SUFU: variants seen among roughly 807,000 people sequenced by gnomAD.
The protein encoded by SUFU is suppressor of fused homolog.
In SUFU, 7 loss-of-function variants were observed where a neutral mutation model predicts 58.9. The observed-to-expected ratio is 0.12, with a 90% CI of 0.07 to 0.22. The LOEUF (loss-of-function observed/expected upper bound fraction) is 0.22, where lower values mean the gene tolerates loss of function less well. Among genes scored for constraint, SUFU ranks in the 10% least tolerant of loss-of-function variants. The probability of loss-of-function intolerance (pLI) is 1.00; values close to 1 mark genes in which losing one functional copy is unlikely to be tolerated. For synonymous variants in SUFU, 232 were observed against 254.8 expected, an observed-to-expected ratio of 0.91 and a Z score of 0.85; for missense variants, 451 against 641.3, an observed-to-expected ratio of 0.70 and a Z score of 3.20.
At chr10:102,519,137 CAA>C (rs386372286) in intron 2 of SUFU, among the ~76,000 whole-genome samples, 27 of 86,730 alleles carry the variant, frequency 3.1e-4, no homozygotes, top group African/African-American at 6.7e-4. Flanking sequence ...GACTCTGTCT[CAA>C]AAAAAAAAAA....
intron 3 of SUFU, among the ~76,000 whole-genome samples, chr10:102,587,107 T>C (rs1564694021): frequency 6.6e-6 from 1 of 152,264 alleles, no homozygotes; most frequent in East Asian, 1.9e-4. Flanking sequence ...CATCTCTTGA[T>C]GGACATTTGG....
chr10:102,580,376 A>C (rs975219041), intron 3 of SUFU, among the ~76,000 whole-genome samples: 17 of 151,980 alleles, frequency 1.1e-4, no homozygotes, highest in African/African-American at 4.1e-4. Flanking sequence ...ATTGTATTCA[A>C]TTTCTGTCCC....
intron 2 of SUFU, among the ~76,000 whole-genome samples, chr10:102,525,619 C>CA (rs2062600759): frequency 6.6e-6 from 1 of 152,182 alleles, no homozygotes; most frequent in African/African-American, 2.4e-5. Context: ...TCTCCTGCCT[C>CA]AGTCTCCTGA....
In SUFU at chr10:102,615,395, T is replaced by A. The variant is rs375419295; in HGVS notation, c.1150T>A (p.Cys384Ser). Residue 384 changes from cysteine to serine, a missense_variant, in exon 9 of 12, where the codon TGC becomes AGC. Cys to Ser is a moderately radical substitution (Grantham distance 112). Coordinates refer to ENST00000369902, the MANE Select transcript of SUFU (RefSeq NM_016169.4). The stretch of plus-strand genomic sequence containing the variant: ...GGAGTCCGGAGCCCTCATTCCTCTC[T>A]GCCTAAGGTGAGCGAGACAGCCCTG... The part of the protein sequence containing the change: ...NQESGALIPL[C>S]LRGRLLHGRH... 6 of 1,613,886 alleles carry A rather than the reference T, an allele frequency of 3.7e-6. No homozygotes were observed. The highest frequency in any genetic ancestry group is 1.3e-5 in the African/African-American group (1 of 74,896).
chr10:102,615,482 GC>G, intron 9 of SUFU, 80 bp downstream of exon 9: 1 of 1,603,666 alleles, frequency 6.2e-7, no homozygotes, highest in South Asian at 1.1e-5. Flanking sequence ...AGCCTCCCCA[GC>G]CCCCTCCCCC....
chr10:102,524,324 CTTTTCTTTTT>C (rs2062584967), intron 2 of SUFU, among the ~76,000 whole-genome samples: 3 of 119,892 alleles, frequency 2.5e-5, no homozygotes, highest in East Asian at 4.7e-4. Flanking sequence ...TTTTTCTTTT[CTTTTCTTTTT>C]TTTTTTTTTG....
chr10:102,522,461 C>T (rs756776873), intron 2 of SUFU, among the ~76,000 whole-genome samples: 12 of 152,108 alleles, frequency 7.9e-5, no homozygotes, highest in Non-Finnish European at 1.2e-4. Flanking sequence ...TTCTTGGGTG[C>T]GTGGTACAGA....
At chr10:102,551,209 C>T (rs1216685547) in intron 3 of SUFU, among the ~76,000 whole-genome samples, 1 of 152,224 alleles carries the variant, frequency 6.6e-6, no homozygotes, top group Non-Finnish European at 1.5e-5. Flanking sequence ...GGAACAGTCC[C>T]CTCATGGAGG....
At chr10:102,504,635 A>G (rs1191428867) in intron 1 of SUFU, among the ~76,000 whole-genome samples, 4 of 132,026 alleles carry the variant, frequency 3.0e-5, no homozygotes, top group Non-Finnish European at 6.4e-5. Context: ...ACGTGGTGAA[A>G]AGAGGGGGCG....
chr10:102,540,910 TA>T (rs2062791717), intron 2 of SUFU, among the ~76,000 whole-genome samples: 1 of 151,768 alleles, frequency 6.6e-6, no homozygotes, highest in African/African-American at 2.4e-5. Flanking sequence ...TAATCCCAGC[TA>T]CTCGGGAGGC....
intron 3 of SUFU, among the ~76,000 whole-genome samples, chr10:102,564,341 C>G (rs1316460550): frequency 6.6e-6 from 1 of 152,226 alleles, no homozygotes; most frequent in East Asian, 1.9e-4. Flanking sequence ...AGCTGTATCT[C>G]TCTTTTTTGG....
At chr10:102,607,165 C>T (rs2063569707) in intron 8 of SUFU, among the ~76,000 whole-genome samples, 1 of 151,476 alleles carries the variant, frequency 6.6e-6, no homozygotes, top group Admixed American at 6.6e-5. Flanking sequence ...CTTCCCTCCT[C>T]AGCCTCCTGA....
At chr10:102,518,041 C>T (rs2135654438) in intron 2 of SUFU, among the ~76,000 whole-genome samples, 1 of 152,300 alleles carries the variant, frequency 6.6e-6, no homozygotes, top group South Asian at 2.1e-4. Context: ...TCCTGTCTCC[C>T]TGTGACTTTG....
intron 3 of SUFU, among the ~76,000 whole-genome samples, chr10:102,577,682 GTTTTT>G: frequency 7.6e-6 from 1 of 132,130 alleles, no homozygotes; most frequent in African/African-American, 2.8e-5. Flanking sequence ...ACTACGAGTT[GTTTTT>G]TTTTTTTTTT....
chr10:102,594,120 A>G, intron 6 of SUFU, 55 bp downstream of exon 6: 1 of 1,556,514 alleles, frequency 6.4e-7, no homozygotes, highest in Non-Finnish European at 8.9e-7. Context: ...GCCTCTTCCA[A>G]ATAACACTGG....
chr10:102,522,265 A>G (rs1244608792), intron 2 of SUFU, among the ~76,000 whole-genome samples: 1 of 152,164 alleles, frequency 6.6e-6, no homozygotes, highest in African/African-American at 2.4e-5. Context: ...TAGGTAGTAT[A>G]TGTATGAACT....
At chr10:102,534,272 C>A (rs1354309219) in intron 2 of SUFU, among the ~76,000 whole-genome samples, 2 of 152,126 alleles carry the variant, frequency 1.3e-5, no homozygotes, top group Non-Finnish European at 2.9e-5. Flanking sequence ...ACTAAAAATA[C>A]AAAAAATAAG....
chr10:102,604,747 A>G (rs1017305461), intron 8 of SUFU, among the ~76,000 whole-genome samples: 2 of 152,100 alleles, frequency 1.3e-5, no homozygotes, highest in African/African-American at 2.4e-5. Flanking sequence ...GTCAGAGGGT[A>G]GGGCTGGGGA....
intron 3 of SUFU, among the ~76,000 whole-genome samples, chr10:102,564,715 T>A (rs2063071084): frequency 6.6e-6 from 1 of 152,164 alleles, no homozygotes; most frequent in South Asian, 2.1e-4. Flanking sequence ...CCTGGTTATA[T>A]TCATATCATT....
Sources: allele counts gnomAD v4.1 joint callset (sites outside exome capture counted in the v4.1 genomes callset), GRCh38; gene constraint gnomAD v4.1.1; transcripts MANE v1.5; gene names NCBI Gene and HGNC (gene_info 2026-07-23, HGNC 2026-07-21).